SKIC3: variants seen among roughly 807,000 people sequenced by gnomAD.
SKIC3 encodes superkiller complex protein 3.
chr5:95,507,970 TTC>T, the SKIC3 span, among the ~76,000 whole-genome samples: 3 of 152,188 alleles, frequency 2.0e-5, no homozygotes, highest in Admixed American at 6.6e-5. Context: ...CTGCCTAGTT[TTC>T]TCTGTTTAAA....
the SKIC3 span, chr5:95,523,710 G>A: frequency 1.9e-6 from 3 of 1,613,580 alleles, no homozygotes; most frequent in East Asian, 6.7e-5. Flanking sequence ...TTCAGCATCA[G>A]TGTCATCTAA....
chr5:95,469,531 T>A, the SKIC3 span, among the ~76,000 whole-genome samples: 2 of 152,328 alleles, frequency 1.3e-5, no homozygotes, highest in East Asian at 3.9e-4. Flanking sequence ...AATGCTATCA[T>A]GCCAAACCCC....
chr5:95,474,760 C>T, the SKIC3 span, among the ~76,000 whole-genome samples: 1 of 152,168 alleles, frequency 6.6e-6, no homozygotes, highest in Non-Finnish European at 1.5e-5. Flanking sequence ...TAGATTTGGT[C>T]TCTTTACATA....
At chr5:95,469,716 T>C in the SKIC3 span, 2 of 1,602,812 alleles carry the variant, frequency 1.2e-6, no homozygotes, top group Non-Finnish European at 1.7e-6. Context: ...CTTTCCTTGA[T>C]TATTTCCTAG....
At chr5:95,469,770 T>G in the SKIC3 span, 2 of 1,613,914 alleles carry the variant, frequency 1.2e-6, no homozygotes, top group Non-Finnish European at 1.7e-6. Context: ...AAGATGAAGA[T>G]TCTTCATACC....
chr5:95,508,152 G>A, the SKIC3 span, among the ~76,000 whole-genome samples: 2 of 152,146 alleles, frequency 1.3e-5, no homozygotes, highest in Non-Finnish European at 2.9e-5. Flanking sequence ...GTACCATCTA[G>A]TGATTACTCC....
the SKIC3 span, chr5:95,543,422 A>T: frequency 7.2e-7 from 1 of 1,391,462 alleles, no homozygotes; most frequent in South Asian, 1.2e-5. Flanking sequence ...GGAAATCTAT[A>T]TCTACCACTT....
At chr5:95,503,650 G>C in the SKIC3 span, among the ~76,000 whole-genome samples, 61 of 152,186 alleles carry the variant, frequency 4.0e-4, no homozygotes, top group African/African-American at 1.4e-3. Flanking sequence ...TTCTAAATGA[G>C]GTAACAGATA....
At chr5:95,467,797 T>C in the SKIC3 span, 1 of 1,595,670 alleles carries the variant, frequency 6.3e-7, no homozygotes. Context: ...CTAAAACCCT[T>C]AGATCAAAGA....
At chr5:95,515,272 C>G in the SKIC3 span, among the ~76,000 whole-genome samples, 2 of 152,090 alleles carry the variant, frequency 1.3e-5, no homozygotes, top group Non-Finnish European at 2.9e-5. Flanking sequence ...CCCCTTTTAG[C>G]TTAACTGGGA....
At chr5:95,510,639 C>A in the SKIC3 span, among the ~76,000 whole-genome samples, 1 of 152,192 alleles carries the variant, frequency 6.6e-6, no homozygotes, top group African/African-American at 2.4e-5. Context: ...CCTATGATTT[C>A]ATCTCCAACC....
At chr5:95,535,566 T>C in the SKIC3 span, among the ~76,000 whole-genome samples, 1 of 151,488 alleles carries the variant, frequency 6.6e-6, no homozygotes. Context: ...TGCCTCGGCC[T>C]CCCAAAGTGC....
chr5:95,543,556 C>T, the SKIC3 span, among the ~76,000 whole-genome samples: 5 of 152,148 alleles, frequency 3.3e-5, no homozygotes, highest in African/African-American at 1.2e-4. Flanking sequence ...TAAAGCTGCC[C>T]GAGGGATACT....
the SKIC3 span, chr5:95,478,455 A>G: frequency 5.0e-6 from 8 of 1,613,790 alleles, no homozygotes; most frequent in Non-Finnish European, 6.8e-6. Flanking sequence ...AAGAAACAAA[A>G]AAGGAGAAGG....
chr5:95,506,208 G>T, the SKIC3 span, among the ~76,000 whole-genome samples: 3 of 152,032 alleles, frequency 2.0e-5, no homozygotes, highest in Admixed American at 1.3e-4. Flanking sequence ...TCCAATTTTG[G>T]ATATAATTCA....
At chr5:95,546,339 G>GAA in the SKIC3 span, among the ~76,000 whole-genome samples, 8 of 57,488 alleles carry the variant, frequency 1.4e-4, no homozygotes, top group African/African-American at 4.1e-4. Context: ...CCCACCATGA[G>GAA]AAAAAAAAAA....
At chr5:95,545,549 G>A in the SKIC3 span, among the ~76,000 whole-genome samples, 2 of 152,210 alleles carry the variant, frequency 1.3e-5, no homozygotes, top group South Asian at 4.2e-4. Context: ...CTGCCTCAAT[G>A]AAAACATGGC....
the SKIC3 span, among the ~76,000 whole-genome samples, chr5:95,545,417 A>T: frequency 6.6e-6 from 1 of 152,110 alleles, no homozygotes; most frequent in Non-Finnish European, 1.5e-5. Context: ...TATACTGCCC[A>T]GTCTTGCCCA....
At chr5:95,536,907 T>G in the SKIC3 span, 1 of 1,613,658 alleles carries the variant, frequency 6.2e-7, no homozygotes, top group Non-Finnish European at 8.5e-7. Flanking sequence ...TTCTTCAATC[T>G]AGCAGACTCA....
Sources: gnomAD v4.1 joint callset for allele counts (sites outside exome capture counted in the v4.1 genomes callset) on GRCh38, gnomAD v4.1.1 for gene constraint, MANE v1.5 for transcripts, NCBI Gene and HGNC (gene_info 2026-07-23, HGNC 2026-07-21) for gene names.